MAGI1: variants seen among roughly 807,000 people sequenced by gnomAD.
MAGI1 encodes the protein membrane associated guanylate kinase, WW and PDZ domain containing 1.
In MAGI1, 58 loss-of-function variants were observed where a neutral mutation model predicts 139.9. The observed-to-expected ratio is 0.41, with a 90% CI of 0.34 to 0.52. The LOEUF (loss-of-function observed/expected upper bound fraction) is 0.52. MAGI1 is among the 20% of genes least tolerant of loss of function. The pLI, the probability that MAGI1 is intolerant of heterozygous loss-of-function variation, is 0.12. For synonymous variants in MAGI1, 812 were observed against 737.9 expected (o/e 1.10, Z -1.63); for missense variants, 1,874 against 1,901.6 (o/e 0.99, Z 0.27).
intron 1 of MAGI1, among the ~76,000 whole-genome samples, chr3:65,770,686 C>A (rs2037876415): frequency 6.6e-6 from 1 of 151,954 alleles, no homozygotes; most frequent in Non-Finnish European, 1.5e-5. Flanking sequence ...AATTATTATT[C>A]ATTTATTTAC....
intron 14 of MAGI1, among the ~76,000 whole-genome samples, chr3:65,390,139 C>G (rs999526864): frequency 3.3e-5 from 5 of 152,152 alleles, no homozygotes; most frequent in Non-Finnish European, 7.3e-5. Flanking sequence ...CTCACACAAC[C>G]TCTCTGCCAC....
chr3:65,403,893 A>G (rs1945113990), intron 12 of MAGI1, among the ~76,000 whole-genome samples: 1 of 152,250 alleles, frequency 6.6e-6, no homozygotes. Flanking sequence ...ACAACTGGAA[A>G]TTCTAAAAAA....
At chr3:65,517,414 A>G (rs2077957911) in intron 2 of MAGI1, among the ~76,000 whole-genome samples, 2 of 152,036 alleles carry the variant, frequency 1.3e-5, no homozygotes, top group Non-Finnish European at 2.9e-5. Flanking sequence ...ACATATCAAC[A>G]TCTCTGCTGG....
At chr3:65,674,311 A>G (rs1013300040) in intron 1 of MAGI1, among the ~76,000 whole-genome samples, 2 of 152,190 alleles carry the variant, frequency 1.3e-5, no homozygotes, top group Non-Finnish European at 2.9e-5. Flanking sequence ...TATCAGCATG[A>G]GACCTTTGGT....
intron 1 of MAGI1, among the ~76,000 whole-genome samples, chr3:65,778,579 G>A (rs558445369): frequency 6.6e-6 from 1 of 152,122 alleles, no homozygotes; most frequent in Non-Finnish European, 1.5e-5. Flanking sequence ...ACACCCAGAA[G>A]ATGGGGACCA....
intron 8 of MAGI1, 65 bp downstream of exon 8, chr3:65,442,727 T>G (rs1948429692): frequency 8.1e-7 from 1 of 1,232,338 alleles, no homozygotes; most frequent in African/African-American, 1.5e-5. Context: ...AGGCTGTACT[T>G]AACACAAATG....
At chr3:65,780,858 T>C (rs1294505322) in intron 1 of MAGI1, among the ~76,000 whole-genome samples, 2 of 152,196 alleles carry the variant, frequency 1.3e-5, no homozygotes, top group Non-Finnish European at 1.5e-5. Flanking sequence ...TGGTATACTA[T>C]GTAAGGGCCA....
intron 1 of MAGI1, among the ~76,000 whole-genome samples, chr3:65,849,523 A>ATATATATC (rs1408879297): frequency 6.6e-6 from 1 of 150,424 alleles, no homozygotes; most frequent in Non-Finnish European, 1.5e-5. Flanking sequence ...TCAAATATAC[A>ATATATATC]TATATATCAT....
intron 1 of MAGI1, among the ~76,000 whole-genome samples, chr3:65,764,478 C>T (rs1443367705): frequency 6.6e-6 from 1 of 152,150 alleles, no homozygotes; most frequent in Non-Finnish European, 1.5e-5. Flanking sequence ...TCAAAAGAAC[C>T]AACATTTTAG....
At chr3:65,538,948 T>C (rs536709905) in intron 2 of MAGI1, among the ~76,000 whole-genome samples, 12 of 150,526 alleles carry the variant, frequency 8.0e-5, no homozygotes, top group Admixed American at 3.3e-4. Context: ...ACCACAAACA[T>C]GTACTAACTA....
intron 1 of MAGI1, among the ~76,000 whole-genome samples, chr3:65,947,384 T>G (rs754541620): frequency 1.2e-4 from 19 of 152,176 alleles, no homozygotes; most frequent in Non-Finnish European, 2.5e-4. Context: ...CCTGGAAAAA[T>G]TATACAATCA....
At chr3:65,568,228 C>G (rs1040841312) in intron 2 of MAGI1, among the ~76,000 whole-genome samples, 8 of 152,184 alleles carry the variant, frequency 5.3e-5, no homozygotes, top group African/African-American at 1.7e-4. Context: ...AATTGTTTCC[C>G]CATATCATTT....
At chr3:65,567,654 T>G (rs1231520614) in intron 2 of MAGI1, among the ~76,000 whole-genome samples, 1 of 151,872 alleles carries the variant, frequency 6.6e-6, no homozygotes, top group African/African-American at 2.4e-5. Context: ...CTGGCCAACA[T>G]GCGAAACCCC....
chr3:65,366,964 G>A (rs1186313660), intron 18 of MAGI1, among the ~76,000 whole-genome samples: 1 of 152,176 alleles, frequency 6.6e-6, no homozygotes, highest in Non-Finnish European at 1.5e-5. Context: ...TGATGAATCA[G>A]TGATATTTTA....
At chr3:65,397,377 G>T (rs1944473418) in intron 13 of MAGI1, among the ~76,000 whole-genome samples, 1 of 152,144 alleles carries the variant, frequency 6.6e-6, no homozygotes, top group African/African-American at 2.4e-5. Flanking sequence ...AGAGAGGATA[G>T]TGGAACAAAA....
At chr3:65,697,431 T>C (rs1460351781) in intron 1 of MAGI1, among the ~76,000 whole-genome samples, 5 of 145,734 alleles carry the variant, frequency 3.4e-5, no homozygotes, top group African/African-American at 7.7e-5. Context: ...AAAAAGAGAA[T>C]TTTAGACCAA....
intron 1 of MAGI1, among the ~76,000 whole-genome samples, chr3:65,996,034 G>A (rs1406209750): frequency 1.3e-5 from 2 of 151,998 alleles, no homozygotes; most frequent in Non-Finnish European, 2.9e-5. Context: ...ATCTTTTTCA[G>A]CTTTCTAAAA....
chr3:65,451,249 A>G (rs1949014772), intron 6 of MAGI1, among the ~76,000 whole-genome samples: 1 of 152,210 alleles, frequency 6.6e-6, no homozygotes, highest in South Asian at 2.1e-4. Flanking sequence ...CACTTATAAT[A>G]TTGTATTAAC....
intron 7 of MAGI1, among the ~76,000 whole-genome samples, chr3:65,446,767 T>C (rs1948707566): frequency 6.6e-6 from 1 of 152,230 alleles, no homozygotes; most frequent in Non-Finnish European, 1.5e-5. Flanking sequence ...CAAATTGTTC[T>C]ATCATTCAGG....
Sources: gnomAD v4.1 joint callset for allele counts (sites outside exome capture counted in the v4.1 genomes callset) on GRCh38, gnomAD v4.1.1 for gene constraint, MANE v1.5 for transcripts, NCBI Gene and HGNC (gene_info 2026-07-23, HGNC 2026-07-21) for gene names.